ARHGAP15: variants seen among roughly 807,000 people sequenced by gnomAD.
The protein encoded by ARHGAP15 is rho GTPase-activating protein 15.
ARHGAP15 carries 51 observed loss-of-function variants against 63.7 expected under a neutral mutation model. The ratio of observed to expected loss-of-function variants is 0.80; its 90% CI spans 0.64 to 1.01. The LOEUF (loss-of-function observed/expected upper bound fraction) is 1.01, where lower values mean the gene tolerates loss of function less well. Ranked by LOEUF, ARHGAP15 falls within the 50% of genes least tolerant of loss-of-function variation. The probability of loss-of-function intolerance (pLI) is 0.00; values close to 1 mark genes in which losing one functional copy is unlikely to be tolerated. For missense variants in ARHGAP15, 560 were observed against 564.6 expected, an observed-to-expected ratio of 0.99 and a Z score of 0.08; for synonymous variants, 191 against 193.8, an observed-to-expected ratio of 0.99 and a Z score of 0.12.
At chr2:143,563,166 A>G (rs1371893785) in intron 11 of ARHGAP15, among the ~76,000 whole-genome samples, 1 of 152,224 alleles carries the variant, frequency 6.6e-6, no homozygotes, top group Non-Finnish European at 1.5e-5. Context: ...CCAACTCTTC[A>G]TTTCCAAAAT....
chr2:143,452,425 G>A (rs954089043), intron 8 of ARHGAP15, among the ~76,000 whole-genome samples: 12 of 152,016 alleles, frequency 7.9e-5, no homozygotes, highest in East Asian at 1.9e-4. Context: ...CCTCCAACCC[G>A]AAACATTAAA....
intron 12 of ARHGAP15, among the ~76,000 whole-genome samples, chr2:143,702,934 T>C (rs1209693826): frequency 1.3e-5 from 2 of 152,180 alleles, no homozygotes; most frequent in Non-Finnish European, 2.9e-5. Flanking sequence ...TGATCATATC[T>C]GCAAAGTCCC....
chr2:143,666,657 T>C (rs112215115), intron 12 of ARHGAP15, among the ~76,000 whole-genome samples: 9,524 of 98,096 alleles, frequency 0.097, 458 homozygotes, highest in Middle Eastern at 0.2. Context: ...AGAAAATTTT[T>C]GCAACCTACT....
chr2:143,713,450 C>T (rs1055137084), intron 13 of ARHGAP15, among the ~76,000 whole-genome samples: 2 of 152,120 alleles, frequency 1.3e-5, no homozygotes, highest in African/African-American at 4.8e-5. Flanking sequence ...AAGAACACAG[C>T]CAAACATATC....
rs1220559259 is a variant in ARHGAP15, at chr2:143,436,264, A to G, written c.573+565A>G. Among the ~76,000 whole-genome samples, 4 of 152,136 alleles carry G rather than the reference A, an allele frequency of 2.6e-5. No homozygotes were observed. In the East Asian group the frequency reaches 7.7e-4, roughly 29 times the overall value. On this transcript the variant is annotated intron_variant, in intron 7 of 13. Transcript: ENST00000295095. ...CATTCCATGCTGAGTCTCTAGAACA[A>G]ACATTTAATTTTATGACACTAATAT... is the stretch of plus-strand genomic sequence containing the variant.
chr2:143,440,809 G>C (rs1689840837), intron 8 of ARHGAP15, among the ~76,000 whole-genome samples: 1 of 152,194 alleles, frequency 6.6e-6, no homozygotes, highest in African/African-American at 2.4e-5. Flanking sequence ...ATGAGAGTAG[G>C]AGAGCAGCTC....
intron 6 of ARHGAP15, among the ~76,000 whole-genome samples, chr2:143,392,647 A>G (rs1687583880): frequency 6.6e-6 from 1 of 152,194 alleles, no homozygotes; most frequent in African/African-American, 2.4e-5. Flanking sequence ...AAGTAATGCT[A>G]TGAAATCAGC....
At chr2:143,682,483 TATAC>T (rs1360476777) in intron 12 of ARHGAP15, among the ~76,000 whole-genome samples, 1 of 152,176 alleles carries the variant, frequency 6.6e-6, no homozygotes, top group Non-Finnish European at 1.5e-5. Context: ...TGATTACATA[TATAC>T]ATATATACAC....
intron 8 of ARHGAP15, among the ~76,000 whole-genome samples, chr2:143,448,381 G>A (rs1249936746): frequency 2.6e-5 from 4 of 152,162 alleles, no homozygotes; most frequent in Non-Finnish European, 4.4e-5. Context: ...TAATAATTTT[G>A]GGGAAAATGT....
At chr2:143,436,028 A>G (rs1689598720) in intron 7 of ARHGAP15, among the ~76,000 whole-genome samples, 1 of 152,066 alleles carries the variant, frequency 6.6e-6, no homozygotes, top group South Asian at 2.1e-4. Flanking sequence ...TGCAGTCCAT[A>G]CTACATACTC....
chr2:143,437,169 G>C (rs1028625217), intron 8 of ARHGAP15, 127 bp downstream of exon 8: 1 of 1,156,030 alleles, frequency 8.7e-7, no homozygotes, highest in African/African-American at 1.6e-5. Flanking sequence ...GCCATTTCCT[G>C]GCCAGGGATT....
chr2:143,428,402 T>A (rs1689224371), intron 6 of ARHGAP15, among the ~76,000 whole-genome samples: 1 of 151,810 alleles, frequency 6.6e-6, no homozygotes, highest in Non-Finnish European at 1.5e-5. Context: ...CTGCAACAGC[T>A]GTGGGGAGCC....
At chr2:143,719,489 G>A (rs1036001735) in intron 13 of ARHGAP15, among the ~76,000 whole-genome samples, 1 of 152,058 alleles carries the variant, frequency 6.6e-6, no homozygotes, top group African/African-American at 2.4e-5. Context: ...TCTCTTCTTT[G>A]ATAACAGCAC....
At chr2:143,381,318 A>G (rs1687044325) in intron 6 of ARHGAP15, among the ~76,000 whole-genome samples, 1 of 152,072 alleles carries the variant, frequency 6.6e-6, no homozygotes. Context: ...GACTTCTCAT[A>G]TTCCCTTCTT....
At chr2:143,508,390 G>A (rs1035087454) in intron 9 of ARHGAP15, among the ~76,000 whole-genome samples, 9 of 152,024 alleles carry the variant, frequency 5.9e-5, no homozygotes, top group Admixed American at 1.3e-4. Flanking sequence ...TTTCCATAGC[G>A]CTTATCACCA....
intron 11 of ARHGAP15, among the ~76,000 whole-genome samples, chr2:143,615,453 G>C (rs1698418747): frequency 6.6e-6 from 1 of 152,066 alleles, no homozygotes; most frequent in Admixed American, 6.5e-5. Flanking sequence ...TTACATTCTG[G>C]AAATATTTGC....
At chr2:143,634,917 G>A (rs1454546598) in intron 12 of ARHGAP15, among the ~76,000 whole-genome samples, 3 of 151,854 alleles carry the variant, frequency 2.0e-5, no homozygotes, top group Admixed American at 1.3e-4. Context: ...AGCTTGCCTT[G>A]CTTCTATGAA....
chr2:143,543,390 T>G (rs1169750257), intron 10 of ARHGAP15, among the ~76,000 whole-genome samples: 1 of 152,122 alleles, frequency 6.6e-6, no homozygotes, highest in Non-Finnish European at 1.5e-5. Flanking sequence ...TAACTTGGGC[T>G]CAGGTTGTTT....
At chr2:143,266,386 A>T (rs1322036035) in intron 6 of ARHGAP15, among the ~76,000 whole-genome samples, 1 of 152,172 alleles carries the variant, frequency 6.6e-6, no homozygotes, top group African/African-American at 2.4e-5. Context: ...AGCTCTAAGC[A>T]AGTAACTAAG....
Sources: allele counts gnomAD v4.1 joint callset (sites outside exome capture counted in the v4.1 genomes callset), GRCh38; gene constraint gnomAD v4.1.1; transcripts MANE v1.5; gene names NCBI Gene and HGNC (gene_info 2026-07-23, HGNC 2026-07-21).